Variants in IGF2R observed in about 807,000 individuals in gnomAD.
IGF2R encodes cation-independent mannose-6-phosphate receptor.
In IGF2R, 91 loss-of-function variants were observed where a neutral mutation model predicts 270.6. The ratio of observed to expected loss-of-function variants is 0.34; its 90% confidence interval spans 0.28 to 0.40. The LOEUF is 0.40. Among genes scored for constraint, IGF2R ranks in the 10% least tolerant of loss-of-function variants. The pLI is 1.00. For missense variants in IGF2R, 2,805 were observed against 3,188.3 expected (o/e 0.88, Z 2.90); for synonymous variants, 1,316 against 1,258.9 (o/e 1.05, Z -0.96).
At chr6:160,068,167 C>T in intron 29 of IGF2R, 82 bp from the exon 30 acceptor site, 1 of 1,442,420 alleles carries the variant, frequency 6.9e-7, no homozygotes, top group Non-Finnish European at 9.4e-7. Context: ...TGCCTGAATA[C>T]TTGAACGTTT....
intron 31 of IGF2R, among the ~76,000 whole-genome samples, chr6:160,070,306 A>C (rs564816584): frequency 1.1e-4 from 16 of 152,198 alleles, no homozygotes; most frequent in African/African-American, 3.9e-4. Flanking sequence ...TCAGAGTTTG[A>C]CTCAGACCCC....
At chr6:160,006,152 CT>C (rs1444357727) in intron 2 of IGF2R, 3 of 158,846 alleles carry the variant, frequency 1.9e-5, no homozygotes, top group Non-Finnish European at 4.1e-5. Flanking sequence ...CGCCTCCCCC[CT>C]CGCGCCTCCC....
At chr6:159,985,813 A>C (rs1482214517) in intron 1 of IGF2R, among the ~76,000 whole-genome samples, 1 of 152,154 alleles carries the variant, frequency 6.6e-6, no homozygotes, top group Non-Finnish European at 1.5e-5. Context: ...AGAATGAGAG[A>C]GGGACCATTG....
chr6:160,064,457 G>T lies in IGF2R; in HGVS notation c.3943G>T (p.Gly1315Trp). The T allele has an allele frequency of 1.2e-6, 2 of 1,614,048 alleles. No homozygotes were observed. The highest frequency in any genetic ancestry group is 2.2e-5 in the East Asian group (1 of 44,872). Residue 1315 changes from glycine (G) to tryptophan (W), a missense_variant, in exon 28 of 48, where the codon GGG becomes TGG. Coordinates refer to ENST00000356956, the MANE Select transcript of IGF2R (RefSeq NM_000876.4). ...ENGLLKMNFT[G>W]GDTCHKVYQR... The stretch of plus-strand genomic sequence containing the variant: ...TGGCTTGTTAAAAATGAACTTCACG[G>T]GGGGGGACACTTGCCATAAGGTTTA...
chr6:159,973,240 C>T (rs1453647205), intron 1 of IGF2R, among the ~76,000 whole-genome samples: 2 of 152,124 alleles, frequency 1.3e-5, no homozygotes, highest in Non-Finnish European at 2.9e-5. Context: ...TTACTTATTA[C>T]CATATGCTTT....
intron 39 of IGF2R, 140 bp downstream of exon 39, chr6:160,080,415 T>G (rs1268239607): frequency 2.8e-5 from 24 of 862,038 alleles, no homozygotes; most frequent in Non-Finnish European, 4.2e-5. Context: ...TCGGGCTGTT[T>G]CCCACAGAGA....
chr6:160,046,426 CTG>C, intron 14 of IGF2R, 70 bp from the exon 15 acceptor site: 1 of 1,446,500 alleles, frequency 6.9e-7, no homozygotes, highest in Non-Finnish European at 9.3e-7. Context: ...CCCTTTCAAA[CTG>C]TGGGGTGAGA....
chr6:160,071,292 T>G (rs1778731563), intron 31 of IGF2R, among the ~76,000 whole-genome samples: 1 of 130,496 alleles, frequency 7.7e-6, no homozygotes, highest in Non-Finnish European at 1.6e-5. Flanking sequence ...GGTGGGGGTG[T>G]GTCGAGGCCC....
intron 29 of IGF2R, among the ~76,000 whole-genome samples, chr6:160,067,604 A>G (rs1452334640): frequency 6.6e-6 from 1 of 152,162 alleles, no homozygotes; most frequent in Non-Finnish European, 1.5e-5. Context: ...TGAAGCGCTA[A>G]GAGCTGCCGC....
intron 38 of IGF2R, 68 bp from the exon 39 acceptor site, chr6:160,080,061 T>C: frequency 6.4e-7 from 1 of 1,565,060 alleles, no homozygotes; most frequent in Non-Finnish European, 8.7e-7. Flanking sequence ...GGACTGCTGC[T>C]GCATTCTGAG....
intron 1 of IGF2R, among the ~76,000 whole-genome samples, chr6:159,972,271 C>T (rs1012026650): frequency 1.3e-5 from 2 of 152,168 alleles, no homozygotes; most frequent in Non-Finnish European, 2.9e-5. Context: ...CTACAAATGT[C>T]CCCGTTTGTT....
At chr6:160,067,789 A>AT (rs907668477) in intron 29 of IGF2R, among the ~76,000 whole-genome samples, 2 of 152,222 alleles carry the variant, frequency 1.3e-5, no homozygotes, top group African/African-American at 4.8e-5. Flanking sequence ...GCCCATTTTA[A>AT]TTTCAGAATT....
intron 23 of IGF2R, among the ~76,000 whole-genome samples, chr6:160,061,013 T>C (rs1222680389): frequency 1.3e-5 from 2 of 152,168 alleles, no homozygotes; most frequent in Non-Finnish European, 2.9e-5. Flanking sequence ...TCACATGTAC[T>C]GTCAGAGCTT....
rs528019616 is a variant in IGF2R at position 160,063,574 on chromosome 6, A to T, written c.3830A>T (p.Lys1277Met). ...GTCTGCCCCACAAGTGACAAGTCCA[A>T]GGTGGTCTCCTCATGTCAGGAAAAG... ...SDVCPTSDKS[K>M]VVSSCQEKRE... Residue 1277 changes from lysine to methionine, a missense_variant, in exon 27 of 48, where the codon AAG (lysine) becomes ATG (methionine). Coordinates refer to ENST00000356956, the MANE Select transcript of IGF2R (RefSeq NM_000876.4). The T allele has an allele frequency of 1.9e-6, 3 of 1,614,238 alleles. No individual in the cohort carries two copies. The African/African-American group carries it at 4.0e-5, about 22-fold the overall frequency.
chr6:160,064,107 G>A (rs1027215307), intron 27 of IGF2R, among the ~76,000 whole-genome samples: 1 of 152,228 alleles, frequency 6.6e-6, no homozygotes, highest in African/African-American at 2.4e-5. Context: ...TGGTGAGTAC[G>A]TGGACAGCCC....
At chr6:160,042,548 C>T (rs1291257080) in intron 11 of IGF2R, among the ~76,000 whole-genome samples, 1 of 152,172 alleles carries the variant, frequency 6.6e-6, no homozygotes, top group Non-Finnish European at 1.5e-5. Context: ...GCTGGTGCCC[C>T]CTCACGTCCT....
chr6:160,076,129 A>G, intron 36 of IGF2R, 133 bp downstream of exon 36: 1 of 841,226 alleles, frequency 1.2e-6, no homozygotes, highest in African/African-American at 1.7e-5. Context: ...ATGGTACGCT[A>G]GTAGTGTGTC....
intron 1 of IGF2R, among the ~76,000 whole-genome samples, chr6:159,985,889 T>C (rs1783874548): frequency 6.6e-6 from 1 of 152,234 alleles, no homozygotes; most frequent in Non-Finnish European, 1.5e-5. Flanking sequence ...TTTGCTGATT[T>C]TCTAGAACAT....
At chr6:160,095,224 A>T (rs1466741808) in intron 44 of IGF2R, 2 of 152,280 alleles carry the variant, frequency 1.3e-5, no homozygotes, top group Non-Finnish European at 2.9e-5. Context: ...TTACCACCAG[A>T]ACGGCTGCTC....
Sources: allele counts gnomAD v4.1 joint callset (sites outside exome capture counted in the v4.1 genomes callset), GRCh38; gene constraint gnomAD v4.1.1; transcripts MANE v1.5; gene names NCBI Gene and HGNC (gene_info 2026-07-23, HGNC 2026-07-21).